The following KCNMA1 variants were observed in gnomAD, a reference collection of about 807,000 sequenced individuals.
KCNMA1 encodes the protein potassium calcium-activated channel subfamily M alpha 1.
In KCNMA1, 29 loss-of-function variants were observed where a neutral mutation model predicts 140.0. The observed-to-expected ratio is 0.21, with a 90% confidence interval of 0.15 to 0.28. KCNMA1 has a LOEUF of 0.28. Ranked by LOEUF, KCNMA1 falls within the 10% of genes least tolerant of loss-of-function variation. The probability of loss-of-function intolerance (pLI) is 1.00; values close to 1 mark genes in which losing one functional copy is unlikely to be tolerated. For missense variants in KCNMA1, 880 were observed against 1,602.2 expected, an observed-to-expected ratio of 0.55 and a Z score of 7.70; for synonymous variants, 612 against 611.9, an observed-to-expected ratio of 1.00 and a Z score of 0.00.
chr10:77,129,083 G>C (rs970609568), intron 5 of KCNMA1, among the ~76,000 whole-genome samples: 1 of 152,192 alleles, frequency 6.6e-6, no homozygotes, highest in Non-Finnish European at 1.5e-5. Flanking sequence ...CTGGGCATCA[G>C]AATTTTTATA....
At chr10:77,137,429 T>G (rs2098068046) in intron 5 of KCNMA1, among the ~76,000 whole-genome samples, 1 of 152,196 alleles carries the variant, frequency 6.6e-6, no homozygotes, top group Admixed American at 6.5e-5. Flanking sequence ...TTATCTGGCC[T>G]TGCAGCTCAG....
chr10:77,151,302 C>G (rs1294440751), intron 5 of KCNMA1, among the ~76,000 whole-genome samples: 1 of 150,864 alleles, frequency 6.6e-6, no homozygotes, highest in African/African-American at 2.4e-5. Flanking sequence ...GATCAGCTCA[C>G]TGCAACCTCC....
chr10:77,109,775 T>C (rs2097277024), intron 8 of KCNMA1, among the ~76,000 whole-genome samples: 2 of 152,178 alleles, frequency 1.3e-5, no homozygotes, highest in Non-Finnish European at 1.5e-5. Context: ...GGGAGAGCTC[T>C]TGAAACCGCA....
intron 1 of KCNMA1, among the ~76,000 whole-genome samples, chr10:77,581,945 G>T (rs555928701): frequency 1.3e-5 from 2 of 152,230 alleles, no homozygotes; most frequent in African/African-American, 4.8e-5. Flanking sequence ...GCTGTCATCG[G>T]TCTCTGATCT....
At chr10:76,909,900 G>T in intron 25 of KCNMA1, 66 bp downstream of exon 25, 2 of 1,571,094 alleles carry the variant, frequency 1.3e-6, no homozygotes, top group Non-Finnish European at 1.7e-6. Context: ...GGGCCTCAAA[G>T]GTTGGAGGTG....
intron 2 of KCNMA1, among the ~76,000 whole-genome samples, chr10:77,382,994 GTA>G (rs544257955): frequency 0.043 from 1,965 of 46,052 alleles, 38 homozygotes; most frequent in Admixed American, 0.081. Context: ...GTGTGTGTGT[GTA>G]TATATATATA....
At chr10:77,272,727 A>G (rs1329825535) in intron 2 of KCNMA1, among the ~76,000 whole-genome samples, 4 of 152,232 alleles carry the variant, frequency 2.6e-5, no homozygotes, top group Non-Finnish European at 5.9e-5. Flanking sequence ...TTTCCAGTCC[A>G]AGTGTAAAAC....
chr10:77,073,057 G>A (rs760390802), intron 14 of KCNMA1, 40 bp downstream of exon 14: 1 of 1,598,560 alleles, frequency 6.3e-7, no homozygotes, highest in Non-Finnish European at 8.6e-7. Context: ...ACGACAAATG[G>A]AATCCCGAGC....
At chr10:77,025,281 T>TATATATATACATATAC (rs1394239548) in intron 16 of KCNMA1, among the ~76,000 whole-genome samples, 4 of 122,330 alleles carry the variant, frequency 3.3e-5, no homozygotes, top group Admixed American at 8.6e-5. Flanking sequence ...TATATATATA[T>TATATATATACATATAC]ACACACACAC....
At chr10:77,608,628 T>C (rs2085477485) in intron 1 of KCNMA1, among the ~76,000 whole-genome samples, 1 of 152,148 alleles carries the variant, frequency 6.6e-6, no homozygotes, top group East Asian at 1.9e-4. Flanking sequence ...CTGTTCAATC[T>C]AGTCACTGAT....
At chr10:76,921,301 C>T (rs371862525) in intron 23 of KCNMA1, among the ~76,000 whole-genome samples, 31 of 152,096 alleles carry the variant, frequency 2.0e-4, no homozygotes, top group East Asian at 1.9e-3. Context: ...TAAAAATGAT[C>T]TATAAAGACA....
intron 9 of KCNMA1, among the ~76,000 whole-genome samples, chr10:77,099,214 T>A (rs777169868): frequency 3.3e-5 from 5 of 151,814 alleles, no homozygotes; most frequent in Non-Finnish European, 4.4e-5. Context: ...GGGTTTTGAT[T>A]TACAAAGCGA....
At chr10:76,951,084 A>G (rs956395844) in intron 21 of KCNMA1, among the ~76,000 whole-genome samples, 4 of 152,164 alleles carry the variant, frequency 2.6e-5, no homozygotes, top group Non-Finnish European at 4.4e-5. Context: ...GCTCCCTTCA[A>G]CAAGCCAGAG....
chr10:77,179,935 T>C (rs1397463228), intron 5 of KCNMA1, among the ~76,000 whole-genome samples: 1 of 152,190 alleles, frequency 6.6e-6, no homozygotes, highest in Non-Finnish European at 1.5e-5. Context: ...ACTAGGATGA[T>C]CTGCACAATG....
chr10:76,920,020 G>GTATATATATA (rs1169838049), intron 23 of KCNMA1, among the ~76,000 whole-genome samples: 1,412 of 34,272 alleles, frequency 0.041, 140 homozygotes, highest in Non-Finnish European at 0.056. Context: ...GTGTGTGTGT[G>GTATATATATA]TATATATATA....
intron 1 of KCNMA1, among the ~76,000 whole-genome samples, chr10:77,454,851 GC>G (rs1279766457): frequency 1.3e-5 from 2 of 152,088 alleles, no homozygotes; most frequent in African/African-American, 4.8e-5. Flanking sequence ...CCAAAAATGG[GC>G]CCAAGTATCC....
At chr10:76,949,389 A>G (rs1222954683) in intron 21 of KCNMA1, 23 bp from the exon 22 acceptor site, 1 of 1,582,996 alleles carries the variant, frequency 6.3e-7, no homozygotes, top group Non-Finnish European at 8.7e-7. Context: ...GAAGTGGGTA[A>G]GAGTCAGAGA....
intron 1 of KCNMA1, among the ~76,000 whole-genome samples, chr10:77,575,242 G>A (rs1298479085): frequency 2.0e-5 from 3 of 152,162 alleles, no homozygotes; most frequent in Non-Finnish European, 2.9e-5. Context: ...TGAATACAGG[G>A]CAAATGACCT....
intron 1 of KCNMA1, among the ~76,000 whole-genome samples, chr10:77,624,818 A>G (rs907862514): frequency 2.0e-5 from 3 of 152,054 alleles, no homozygotes; most frequent in Middle Eastern, 3.2e-3. Context: ...ACCAGACCCC[A>G]CAGGCAGAAA....
Sources: allele counts gnomAD v4.1 joint callset (sites outside exome capture counted in the v4.1 genomes callset), GRCh38; gene constraint gnomAD v4.1.1; transcripts MANE v1.5; gene names NCBI Gene and HGNC (gene_info 2026-07-23, HGNC 2026-07-21).